IQGAP2: variants seen among roughly 807,000 people sequenced by gnomAD.
IQGAP2 encodes the protein ras GTPase-activating-like protein IQGAP2.
IQGAP2 carries 173 observed loss-of-function variants against 201.3 expected under a neutral mutation model. That is an observed-to-expected ratio of 0.86 (90% CI 0.76 to 0.98). IQGAP2 has a LOEUF of 0.98. Among genes scored for constraint, IQGAP2 ranks in the 50% least tolerant of loss-of-function variants. The pLI is 0.00. For missense variants in IQGAP2, 1,687 were observed against 1,864.8 expected (o/e 0.90, Z 1.76); for synonymous variants, 675 against 673.9 (o/e 1.00, Z -0.03).
At chr5:76,610,921 G>A (rs1364351035) in intron 12 of IQGAP2, 99 bp from the exon 13 acceptor site, 3 of 909,160 alleles carry the variant, frequency 3.3e-6, no homozygotes, top group African/African-American at 3.3e-5. Flanking sequence ...GCATCCTATA[G>A]CCTTGCTGTA....
chr5:76,686,354 T>C (rs965504841), intron 30 of IQGAP2, among the ~76,000 whole-genome samples: 21 of 151,994 alleles, frequency 1.4e-4, no homozygotes, highest in African/African-American at 3.9e-4. Flanking sequence ...TTGTTGTTGT[T>C]GTTGTTGTTG....
In IQGAP2 at chr5:76,444,915, T is replaced by C. The variant is rs1300357596; in HGVS notation, c.47-16655T>C. On this transcript the variant is annotated intron_variant, in intron 1 of 35. Coordinates refer to ENST00000274364, the MANE Select transcript of IQGAP2 (RefSeq NM_006633.5). Reference sequence around the variant, plus strand: ...AAAGATAAGAAAGCAAAATTGTATCTTCTCTGGGGTAGTTTAGCAGTAGTT... The same window carrying C: ...AAAGATAAGAAAGCAAAATTGTATCCTCTCTGGGGTAGTTTAGCAGTAGTT... Among the ~76,000 whole-genome samples the C allele has an allele frequency of 2.0e-5, 3 of 152,192 alleles. No individual in the cohort carries two copies. The East Asian group carries it at 5.8e-4, about 29-fold the overall frequency.
At position 76,665,995 on chromosome 5, in the gene IQGAP2, T is replaced by C. The variant is rs995285113; in HGVS notation, c.2679+820T>C. Reference sequence around the variant, plus strand: ...AGAGTGGGGCCACTGCTGGGATTCCTTCAAAGCCTGGAGATGCTTAGATCT... The same window carrying C: ...AGAGTGGGGCCACTGCTGGGATTCCCTCAAAGCCTGGAGATGCTTAGATCT... On this transcript the variant is annotated intron_variant, in intron 22 of 35. Transcript: ENST00000274364. Among the ~76,000 whole-genome samples, 8 of 152,352 alleles carry C rather than the reference T, an allele frequency of 5.3e-5. No individual in the cohort carries two copies. The South Asian group carries it at 8.3e-4, about 16-fold the overall frequency.
chr5:76,656,291 C>G (rs1033670760), intron 20 of IQGAP2, among the ~76,000 whole-genome samples: 2 of 151,988 alleles, frequency 1.3e-5, no homozygotes, highest in African/African-American at 4.8e-5. Context: ...GGCGCTATCT[C>G]CTGCCTCAGC....
At chr5:76,453,262 GC>G (rs1484435449) in intron 1 of IQGAP2, among the ~76,000 whole-genome samples, 1 of 152,074 alleles carries the variant, frequency 6.6e-6, no homozygotes, top group African/African-American at 2.4e-5. Context: ...AGTAATATAT[GC>G]AAAATATGTG....
At position 76,484,342 on chromosome 5, in the gene IQGAP2, G is replaced by A. The variant is rs1755981113; in HGVS notation, c.146+22673G>A. ...CTGCCATTGCAGATGTGGGGGCGCA[G>A]GTTGTGACAGGTGGCCCCTCAGGTG... On this transcript the variant is annotated intron_variant, in intron 2 of 35. Coordinates refer to ENST00000274364, the MANE Select transcript of IQGAP2 (RefSeq NM_006633.5). 2.0e-5 allele frequency among the ~76,000 whole-genome samples: 3 copies of A among 152,206 alleles called. No individual in the cohort carries two copies. In the South Asian group the frequency reaches 6.2e-4, roughly 31 times the overall value.
intron 2 of IQGAP2, chr5:76,510,760 C>T (rs1757913816): frequency 1.0e-5 from 5 of 481,902 alleles, no homozygotes; most frequent in Admixed American, 6.5e-5. Context: ...CCACACCAGA[C>T]TTGCAGTAAC....
intron 1 of IQGAP2, among the ~76,000 whole-genome samples, chr5:76,450,770 A>G (rs987373225): frequency 4.6e-5 from 7 of 152,190 alleles, no homozygotes; most frequent in African/African-American, 1.7e-4. Context: ...CTTAAACCAG[A>G]GAAACTTCTT....
intron 2 of IQGAP2, among the ~76,000 whole-genome samples, chr5:76,476,616 A>T (rs1755446587): frequency 6.6e-6 from 1 of 152,284 alleles, no homozygotes; most frequent in Non-Finnish European, 1.5e-5. Flanking sequence ...AGGGCTGGTT[A>T]GCAGGATGGA....
At chr5:76,441,754 A>T (rs1425193413) in intron 1 of IQGAP2, among the ~76,000 whole-genome samples, 1 of 152,202 alleles carries the variant, frequency 6.6e-6, no homozygotes, top group Non-Finnish European at 1.5e-5. Context: ...AGATATCAAA[A>T]CTAAAGAAAT....
At chr5:76,483,800 T>A (rs1755942953) in intron 2 of IQGAP2, among the ~76,000 whole-genome samples, 1 of 152,112 alleles carries the variant, frequency 6.6e-6, no homozygotes, top group South Asian at 2.1e-4. Flanking sequence ...CTTCTTTCCA[T>A]CCCCACCCCA....
intron 2 of IQGAP2, among the ~76,000 whole-genome samples, chr5:76,544,744 G>T (rs1169256918): frequency 6.6e-6 from 1 of 152,008 alleles, no homozygotes; most frequent in Non-Finnish European, 1.5e-5. Flanking sequence ...CCAAAGGAGG[G>T]GACAGTGAAA....
chr5:76,470,801 G>T (rs1188616281), intron 2 of IQGAP2, among the ~76,000 whole-genome samples: 2 of 151,960 alleles, frequency 1.3e-5, no homozygotes, highest in South Asian at 2.1e-4. Context: ...GACTTTTTAG[G>T]TTTCCTTTTC....
In IQGAP2 at chr5:76,496,749, C is replaced by CTT. The variant is rs775351003; in HGVS notation, c.146+35082_146+35083dup. ...CTTTTCTTTCTTTCTTTCTTTCTTT[C>CTT]TTTCTTTCTTTCTTTCTTTCTTTCT... is the stretch of plus-strand genomic sequence containing the variant. On this transcript the variant is annotated intron_variant, in intron 2 of 35. Coordinates refer to ENST00000274364, the MANE Select transcript of IQGAP2 (RefSeq NM_006633.5). 2.6e-4 allele frequency among the ~76,000 whole-genome samples: 16 copies of CTT among 60,498 alleles called. No individual in the cohort carries two copies. In the Admixed American group the frequency reaches 2.7e-3, roughly 10 times the overall value. The allele number at this position is 60,498 out of a possible 152,430, so 39.7% of individuals were successfully genotyped here.
chr5:76,481,037 C>A (rs1052913800), intron 2 of IQGAP2, among the ~76,000 whole-genome samples: 1 of 152,118 alleles, frequency 6.6e-6, no homozygotes, highest in African/African-American at 2.4e-5. Flanking sequence ...TTCCCTCCAG[C>A]CCTTTTATAA....
At position 76,491,593 on chromosome 5, in the gene IQGAP2, C is replaced by T. The variant is rs148316940; in HGVS notation, c.146+29924C>T. Among the ~76,000 whole-genome samples, 1,121 of 152,198 alleles carry T rather than the reference C, an allele frequency of 7.4e-3. 9 individuals are homozygous for T. Among genetic ancestry groups the T allele is most frequent in the Non-Finnish European group, 0.013 (864 of 68,002 alleles). ...TGCTGGGATTACAGGCGTGAGCCAC[C>T]GCACCTGGCCGATATGCAGGATTTC... On this transcript the variant is annotated intron_variant, in intron 2 of 35. Transcript: ENST00000274364.
chr5:76,672,390 C>T (rs1744410947), intron 24 of IQGAP2, among the ~76,000 whole-genome samples: 1 of 152,134 alleles, frequency 6.6e-6, no homozygotes, highest in African/African-American at 2.4e-5. Flanking sequence ...ATTTAAGCAA[C>T]CCTAGCTTCT....
intron 9 of IQGAP2, among the ~76,000 whole-genome samples, chr5:76,594,620 A>G (rs1203095399): frequency 2.0e-5 from 3 of 152,124 alleles, no homozygotes; most frequent in African/African-American, 4.8e-5. Flanking sequence ...TAACCTTAGG[A>G]AAAAAACCCT....
At position 76,694,735 on chromosome 5, in the gene IQGAP2, T is replaced by C. The variant is rs116817624; in HGVS notation, c.3994-719T>C. Among the ~76,000 whole-genome samples the C allele has an allele frequency of 8.1e-3, 1,230 of 152,350 alleles. 16 individuals are homozygous for C. The highest frequency in any genetic ancestry group is 0.029 in the African/African-American group (1,187 of 41,588). ...GTCCTGTGTCTAAGATTACTGTCCC[T>C]AACTAATAGTCGTTTCCTTAGACTT... On this transcript the variant is annotated intron_variant, in intron 31 of 35. Coordinates refer to ENST00000274364, the MANE Select transcript of IQGAP2 (RefSeq NM_006633.5).
Sources: allele counts gnomAD v4.1 joint callset (sites outside exome capture counted in the v4.1 genomes callset), GRCh38; gene constraint gnomAD v4.1.1; transcripts MANE v1.5; gene names NCBI Gene and HGNC (gene_info 2026-07-23, HGNC 2026-07-21).